AIG1: variants seen among roughly 807,000 people sequenced by gnomAD.
AIG1 encodes androgen-induced gene 1 protein.
AIG1 carries 23 observed loss-of-function variants against 31.4 expected under a neutral mutation model. The observed-to-expected ratio is 0.73, with a 90% confidence interval of 0.53 to 1.04. AIG1 has a LOEUF of 1.04. AIG1 is among the 50% of genes least tolerant of loss of function. The pLI is 0.00. For missense variants in AIG1, 274 were observed against 295.0 expected, an observed-to-expected ratio of 0.93 and a Z score of 0.52; for synonymous variants, 100 against 110.5, an observed-to-expected ratio of 0.90 and a Z score of 0.60.
rs562359126 is a variant in AIG1 at position 143,305,452 on chromosome 6, A to G, written c.515+21227A>G. Among the ~76,000 whole-genome samples, 70 of 152,148 alleles carry G rather than the reference A, an allele frequency of 4.6e-4. 1 individual carries two copies. In the South Asian group the frequency reaches 0.013, roughly 29 times the overall value. ...TTTGTTCTCGTTGGTTTCCAAGAACATCTTTATTTCTGCCTTCATTTTGTT... is the reference window on the plus strand; with the variant it reads ...TTTGTTCTCGTTGGTTTCCAAGAACGTCTTTATTTCTGCCTTCATTTTGTT... On this transcript the variant is annotated intron_variant, in intron 4 of 5. Transcript: ENST00000357847.
intron 3 of AIG1, among the ~76,000 whole-genome samples, chr6:143,282,561 A>G (rs1283201497): frequency 2.0e-5 from 3 of 152,202 alleles, no homozygotes; most frequent in Non-Finnish European, 2.9e-5. Context: ...AGCTAATTAT[A>G]CTGTTTTAAA....
intron 2 of AIG1, among the ~76,000 whole-genome samples, chr6:143,147,763 GA>G (rs1322932594): frequency 1.3e-5 from 2 of 152,144 alleles, no homozygotes; most frequent in Middle Eastern, 3.2e-3. Context: ...GCCTGTGAAT[GA>G]GCAGTTCCAC....
intron 3 of AIG1, among the ~76,000 whole-genome samples, chr6:143,183,958 G>A (rs916760690): frequency 6.6e-6 from 1 of 152,144 alleles, no homozygotes; most frequent in Non-Finnish European, 1.5e-5. Context: ...CCAGTTCCCT[G>A]TTAATTGAAG....
chr6:143,287,959 C>G (rs1562559554), intron 4 of AIG1, among the ~76,000 whole-genome samples: 3 of 151,874 alleles, frequency 2.0e-5, no homozygotes, highest in Non-Finnish European at 4.4e-5. Context: ...ATGAAAATAT[C>G]TTTTTTTTAA....
chr6:143,171,126 A>G (rs1407182495), intron 3 of AIG1, among the ~76,000 whole-genome samples: 1 of 151,740 alleles, frequency 6.6e-6, no homozygotes, highest in Non-Finnish European at 1.5e-5. Context: ...ACAAGTAGAT[A>G]AACCAAAAAA....
At chr6:143,204,373 A>G (rs1790942638) in intron 3 of AIG1, among the ~76,000 whole-genome samples, 1 of 152,154 alleles carries the variant, frequency 6.6e-6, no homozygotes, top group South Asian at 2.1e-4. Flanking sequence ...TGGCCTCCAC[A>G]GCCTCTTAGG....
At chr6:143,082,688 A>G (rs1778377038) in intron 1 of AIG1, among the ~76,000 whole-genome samples, 3 of 152,072 alleles carry the variant, frequency 2.0e-5, no homozygotes, top group Admixed American at 6.5e-5. Context: ...CACTACATCA[A>G]TTTCCTTACT....
chr6:143,306,560 T>C (rs958946974), intron 4 of AIG1, among the ~76,000 whole-genome samples: 6 of 152,210 alleles, frequency 3.9e-5, no homozygotes, highest in Non-Finnish European at 5.9e-5. Context: ...GAGTTTCTGC[T>C]GAGAGATCCA....
chr6:143,222,396 TTTG>T (rs1399221453), intron 3 of AIG1, among the ~76,000 whole-genome samples: 2 of 151,906 alleles, frequency 1.3e-5, no homozygotes, highest in East Asian at 1.9e-4. Flanking sequence ...TGGTTTTTTT[TTTG>T]TTGTTGTTGT....
At chr6:143,100,194 A>G (rs1033554350) in intron 1 of AIG1, among the ~76,000 whole-genome samples, 14 of 152,122 alleles carry the variant, frequency 9.2e-5, no homozygotes, top group East Asian at 1.9e-4. Context: ...TATTCTTCCA[A>G]TGTCAGTGTT....
chr6:143,244,558 A>G (rs2128642212), intron 3 of AIG1, among the ~76,000 whole-genome samples: 1 of 152,340 alleles, frequency 6.6e-6, no homozygotes, highest in African/African-American at 2.4e-5. Context: ...GGCTTTAATA[A>G]TGTCACTGCT....
chr6:143,187,468 C>A (rs1789367645), intron 3 of AIG1: 1 of 1,535,646 alleles, frequency 6.5e-7, no homozygotes. Context: ...TGGCACTCGA[C>A]ACTCTGCTCA....
intron 3 of AIG1, among the ~76,000 whole-genome samples, chr6:143,210,549 C>CA (rs1791498739): frequency 6.6e-6 from 1 of 152,186 alleles, no homozygotes; most frequent in Admixed American, 6.5e-5. Flanking sequence ...AATTAGAAAA[C>CA]AAAGTGTAAA....
intron 2 of AIG1, among the ~76,000 whole-genome samples, chr6:143,146,160 T>C (rs1372636372): frequency 6.6e-6 from 1 of 152,170 alleles, no homozygotes; most frequent in Non-Finnish European, 1.5e-5. Context: ...AATTATCATG[T>C]CCTATAGATC....
intron 3 of AIG1, among the ~76,000 whole-genome samples, chr6:143,217,706 A>G (rs1792142125): frequency 6.6e-6 from 1 of 152,148 alleles, no homozygotes; most frequent in Admixed American, 6.6e-5. Context: ...ACAGGGTCTC[A>G]CCATGTTGGC....
At chr6:143,146,785 A>G (rs1368239859) in intron 2 of AIG1, among the ~76,000 whole-genome samples, 3 of 152,198 alleles carry the variant, frequency 2.0e-5, no homozygotes, top group Non-Finnish European at 2.9e-5. Context: ...CCACCTACAC[A>G]AAATTTACTA....
At chr6:143,138,892 CAAAA>C (rs36106013) in intron 2 of AIG1, among the ~76,000 whole-genome samples, 5 of 72,862 alleles carry the variant, frequency 6.9e-5, no homozygotes, top group Admixed American at 1.6e-4. Context: ...GACTCTGTCT[CAAAA>C]AAAAAAAAAA....
In AIG1 at chr6:143,147,979, G is replaced by A. The variant is rs74464136; in HGVS notation, c.297+10989G>A. ...GTAGGAATTTCCATCATTTTACTTC[G>A]CAGAAGACTCTTCTGTTTTGCAGTT... On this transcript the variant is annotated intron_variant, in intron 2 of 5. Coordinates refer to ENST00000357847, the MANE Select transcript of AIG1 (RefSeq NM_016108.4). Among the ~76,000 whole-genome samples, 151 of 152,122 alleles carry A rather than the reference G, an allele frequency of 9.9e-4. 1 individual carries two copies. Among genetic ancestry groups the A allele is most frequent in the African/African-American group, 3.5e-3 (145 of 41,484 alleles).
At chr6:143,286,589 C>T (rs1402649184) in intron 4 of AIG1, among the ~76,000 whole-genome samples, 4 of 151,986 alleles carry the variant, frequency 2.6e-5, no homozygotes, top group Admixed American at 6.5e-5. Context: ...ATGTTAGGGC[C>T]GACATACCCG....
Sources: gnomAD v4.1 joint callset for allele counts (sites outside exome capture counted in the v4.1 genomes callset) on GRCh38, gnomAD v4.1.1 for gene constraint, MANE v1.5 for transcripts, NCBI Gene and HGNC (gene_info 2026-07-23, HGNC 2026-07-21) for gene names.